Variants in TNFSF4 observed in about 807,000 individuals in gnomAD.
The protein encoded by TNFSF4 is TNF superfamily member 4.
Under a neutral mutation model 7.3 loss-of-function variants are expected in TNFSF4, and 4 were observed. The ratio of observed to expected loss-of-function variants is 0.55; its 90% CI spans 0.27 to 1.25. The LOEUF is 1.25. Ranked by LOEUF, TNFSF4 falls within the 50% of genes most tolerant of loss-of-function variation. The pLI is 0.12. For synonymous variants in TNFSF4, 76 were observed against 83.7 expected (o/e 0.91, Z 0.50); for missense variants, 181 against 208.8 (o/e 0.87, Z 0.82).
chr1:173,325,081 A>G, the TNFSF4 span, among the ~76,000 whole-genome samples: 2 of 152,180 alleles, frequency 1.3e-5, no homozygotes, highest in African/African-American at 2.4e-5. Context: ...GCACCACACC[A>G]CACCTATTCC....
chr1:173,239,805 C>T, the TNFSF4 span, among the ~76,000 whole-genome samples: 3 of 152,052 alleles, frequency 2.0e-5, no homozygotes, highest in African/African-American at 2.4e-5. Context: ...CTGAAGTAGG[C>T]GAATCACTTG....
the TNFSF4 span, among the ~76,000 whole-genome samples, chr1:173,399,609 C>CA: frequency 2.2e-3 from 282 of 130,766 alleles, 1 homozygote; most frequent in Middle Eastern, 4.0e-3. Flanking sequence ...TCTGTATGGA[C>CA]AAAAAAAAAA....
chr1:173,220,977 T>C, the TNFSF4 span, among the ~76,000 whole-genome samples: 3 of 152,136 alleles, frequency 2.0e-5, no homozygotes, highest in Admixed American at 2.0e-4. Flanking sequence ...GGCATCACTT[T>C]GATTGGGCCA....
chr1:173,380,740 A>T, the TNFSF4 span, among the ~76,000 whole-genome samples: 1 of 152,052 alleles, frequency 6.6e-6, no homozygotes, highest in Non-Finnish European at 1.5e-5. Context: ...ACAGGGAGCC[A>T]CTCGGTTTTC....
chr1:173,256,673 C>T, the TNFSF4 span, among the ~76,000 whole-genome samples: 1 of 152,188 alleles, frequency 6.6e-6, no homozygotes, highest in Non-Finnish European at 1.5e-5. Flanking sequence ...AGAATGAAGA[C>T]AGCATGAGGC....
At chr1:173,378,213 T>C in the TNFSF4 span, among the ~76,000 whole-genome samples, 1 of 152,198 alleles carries the variant, frequency 6.6e-6, no homozygotes, top group Non-Finnish European at 1.5e-5. Flanking sequence ...CCAGGGACCG[T>C]TGCGGGTTCT....
the TNFSF4 span, among the ~76,000 whole-genome samples, chr1:173,394,570 A>C: frequency 6.6e-6 from 1 of 152,236 alleles, no homozygotes; most frequent in East Asian, 1.9e-4. Flanking sequence ...TTGTCTTCCC[A>C]AATGAGGATT....
chr1:173,183,686 C>T (rs1048558695), downstream of TNFSF4: 2 of 152,144 alleles, frequency 1.3e-5, no homozygotes, highest in African/African-American at 4.8e-5. Flanking sequence ...CTACTCAGAA[C>T]ATGGAGAAGA....
At chr1:173,359,485 T>G in the TNFSF4 span, among the ~76,000 whole-genome samples, 1 of 113,060 alleles carries the variant, frequency 8.8e-6, no homozygotes, top group African/African-American at 3.4e-5. Context: ...AAAGAAAAAT[T>G]CAAGGACTTT....
chr1:173,180,356 G>A (rs1649034298), downstream of TNFSF4, among the ~76,000 whole-genome samples: 1 of 152,080 alleles, frequency 6.6e-6, no homozygotes, highest in Non-Finnish European at 1.5e-5. Context: ...TTTCATATTT[G>A]TCTTTACATT....
At chr1:173,348,620 C>T in the TNFSF4 span, among the ~76,000 whole-genome samples, 2 of 152,086 alleles carry the variant, frequency 1.3e-5, no homozygotes, top group Non-Finnish European at 2.9e-5. Context: ...AAGCCAAAAG[C>T]TAGTCCTCTG....
At chr1:173,361,521 C>A in the TNFSF4 span, among the ~76,000 whole-genome samples, 1 of 152,096 alleles carries the variant, frequency 6.6e-6, no homozygotes, top group Non-Finnish European at 1.5e-5. Context: ...ATCACTTGAA[C>A]CCAGAAGGCG....
At chr1:173,299,610 G>A in the TNFSF4 span, among the ~76,000 whole-genome samples, 1 of 151,904 alleles carries the variant, frequency 6.6e-6, no homozygotes. Flanking sequence ...ATCCACAGGA[G>A]GTAACTCATA....
chr1:173,410,367 C>T, the TNFSF4 span, among the ~76,000 whole-genome samples: 3 of 152,160 alleles, frequency 2.0e-5, no homozygotes, highest in Admixed American at 2.0e-4. Context: ...CAAAGAAGCT[C>T]TAAATTTGCG....
the TNFSF4 span, among the ~76,000 whole-genome samples, chr1:173,303,264 C>G: frequency 9.2e-5 from 14 of 151,932 alleles, no homozygotes; most frequent in East Asian, 2.7e-3. Context: ...GTCATACCCC[C>G]CAAGTCTGCT....
the TNFSF4 span, among the ~76,000 whole-genome samples, chr1:173,236,100 G>T: frequency 6.6e-6 from 1 of 152,004 alleles, no homozygotes; most frequent in African/African-American, 2.4e-5. Context: ...TTTAAATTCA[G>T]ATCACAAACT....
chr1:173,310,960 A>G, the TNFSF4 span, among the ~76,000 whole-genome samples: 1 of 151,936 alleles, frequency 6.6e-6, no homozygotes, highest in Non-Finnish European at 1.5e-5. Flanking sequence ...GTAGATATTT[A>G]CCATCATGTA....
chr1:173,257,693 A>G, the TNFSF4 span, among the ~76,000 whole-genome samples: 1 of 152,210 alleles, frequency 6.6e-6, no homozygotes, highest in Non-Finnish European at 1.5e-5. Flanking sequence ...TGAGGCTTCT[A>G]TTATCCTTTC....
chr1:173,286,821 G>A, the TNFSF4 span, among the ~76,000 whole-genome samples: 1 of 151,826 alleles, frequency 6.6e-6, no homozygotes, highest in South Asian at 2.1e-4. Flanking sequence ...ACAAAAATAA[G>A]ACAGTTTCCA....
Sources: gnomAD v4.1 joint callset for allele counts (sites outside exome capture counted in the v4.1 genomes callset) on GRCh38, gnomAD v4.1.1 for gene constraint, MANE v1.5 for transcripts, NCBI Gene and HGNC (gene_info 2026-07-23, HGNC 2026-07-21) for gene names.